Variants in AGBL4 observed in about 807,000 individuals in gnomAD.
AGBL4 encodes cytosolic carboxypeptidase 6.
In AGBL4, 58 loss-of-function variants were observed where a neutral mutation model predicts 66.4. That is an observed-to-expected ratio of 0.87 (90% CI 0.71 to 1.09). The LOEUF (loss-of-function observed/expected upper bound fraction) is 1.09, where lower values mean the gene tolerates loss of function less well. Among genes scored for constraint, AGBL4 ranks in the 50% least tolerant of loss-of-function variants. The probability of loss-of-function intolerance (pLI) is 0.00; values close to 1 mark genes in which losing one functional copy is unlikely to be tolerated. For synonymous variants in AGBL4, 234 were observed against 222.9 expected (o/e 1.05, Z -0.44); for missense variants, 579 against 631.0 (o/e 0.92, Z 0.88).
chr1:48,587,629 T>C (rs1408609682), intron 10 of AGBL4, among the ~76,000 whole-genome samples: 4 of 150,910 alleles, frequency 2.7e-5, no homozygotes, highest in Non-Finnish European at 5.9e-5. Flanking sequence ...TTATTTATTT[T>C]ATTTTATTTT....
chr1:49,394,078 C>T (rs1329861143), intron 3 of AGBL4, among the ~76,000 whole-genome samples: 1 of 151,538 alleles, frequency 6.6e-6, no homozygotes, highest in Non-Finnish European at 1.5e-5. Flanking sequence ...GTCTATTTCC[C>T]CTGGATAGGA....
chr1:49,348,633 C>T (rs1645687690), intron 3 of AGBL4, among the ~76,000 whole-genome samples: 2 of 152,154 alleles, frequency 1.3e-5, no homozygotes, highest in African/African-American at 4.8e-5. Context: ...GGAGGAGGAC[C>T]GTGCTTTTGG....
chr1:49,764,549 T>C (rs892967424), intron 2 of AGBL4, among the ~76,000 whole-genome samples: 2 of 152,048 alleles, frequency 1.3e-5, no homozygotes, highest in Non-Finnish European at 2.9e-5. Context: ...TTAGGATTCA[T>C]ATATGCTGTC....
intron 3 of AGBL4, among the ~76,000 whole-genome samples, chr1:49,601,526 C>T (rs1162865641): frequency 1.3e-5 from 2 of 152,064 alleles, no homozygotes; most frequent in Non-Finnish European, 2.9e-5. Flanking sequence ...TGAAACGGAA[C>T]AGAGATCTCA....
At chr1:49,424,687 T>G (rs1178047357) in intron 3 of AGBL4, among the ~76,000 whole-genome samples, 2 of 152,206 alleles carry the variant, frequency 1.3e-5, no homozygotes, top group African/African-American at 2.4e-5. Context: ...CTGTACCTGG[T>G]GTAGCCAGTG....
intron 9 of AGBL4, among the ~76,000 whole-genome samples, chr1:48,628,029 A>G (rs319947): frequency 0.49 from 74,847 of 151,950 alleles, 20,570 homozygotes; most frequent in Middle Eastern, 0.68. Context: ...AGCCTTAGTA[A>G]TTTTCTAAAG....
chr1:48,590,689 A>G (rs1644901373), intron 10 of AGBL4, 144 bp downstream of exon 10: 1 of 911,834 alleles, frequency 1.1e-6, no homozygotes, highest in South Asian at 1.9e-5. Context: ...CATCTTGTTT[A>G]CCTCTATCTT....
chr1:49,478,043 T>G (rs1335588005), intron 3 of AGBL4, among the ~76,000 whole-genome samples: 1 of 151,278 alleles, frequency 6.6e-6, no homozygotes, highest in Non-Finnish European at 1.5e-5. Context: ...AAAAAAGAAT[T>G]AAAAGAAGAA....
At chr1:49,326,980 C>G (rs115231263) in intron 3 of AGBL4, among the ~76,000 whole-genome samples, 2 of 152,100 alleles carry the variant, frequency 1.3e-5, no homozygotes, top group Non-Finnish European at 2.9e-5. Context: ...AGTCTACCTG[C>G]GTTTCTGGCT....
intron 2 of AGBL4, among the ~76,000 whole-genome samples, chr1:49,750,378 G>T (rs912996431): frequency 2.0e-5 from 3 of 152,092 alleles, no homozygotes; most frequent in Admixed American, 6.6e-5. Flanking sequence ...ATTTTGTCAG[G>T]TTTGTCAAAG....
At chr1:49,743,837 A>T (rs1031453831) in intron 2 of AGBL4, among the ~76,000 whole-genome samples, 15 of 146,998 alleles carry the variant, frequency 1.0e-4, no homozygotes, top group African/African-American at 3.8e-4. Context: ...TCTCACTCAT[A>T]GGTAGGAACT....
chr1:48,942,750 G>C (rs1557485408), intron 5 of AGBL4, among the ~76,000 whole-genome samples: 2 of 152,284 alleles, frequency 1.3e-5, no homozygotes, highest in South Asian at 4.1e-4. Flanking sequence ...ACTCAGATTT[G>C]AATTACAGCT....
intron 4 of AGBL4, among the ~76,000 whole-genome samples, chr1:49,114,366 G>A (rs1013124173): frequency 6.6e-6 from 1 of 152,304 alleles, no homozygotes; most frequent in Non-Finnish European, 1.5e-5. Context: ...AATAATTGAG[G>A]AGAGTTAGAG....
intron 9 of AGBL4, among the ~76,000 whole-genome samples, chr1:48,619,960 C>T (rs1185467836): frequency 1.3e-5 from 2 of 152,164 alleles, no homozygotes; most frequent in Non-Finnish European, 2.9e-5. Flanking sequence ...AGCATCCTGG[C>T]TGTCGTCAGC....
intron 1 of AGBL4, among the ~76,000 whole-genome samples, chr1:49,857,708 C>A (rs1451133845): frequency 6.6e-6 from 1 of 152,072 alleles, no homozygotes; most frequent in African/African-American, 2.4e-5. Flanking sequence ...CATCTCTCAC[C>A]ATATACAAAA....
At chr1:49,943,974 G>T (rs745335116) in intron 1 of AGBL4, among the ~76,000 whole-genome samples, 3 of 151,746 alleles carry the variant, frequency 2.0e-5, no homozygotes, top group African/African-American at 7.3e-5. Context: ...ACCAGTCTTC[G>T]GAGTTTCATG....
At position 48,778,011 on chromosome 1, in the gene AGBL4, G is replaced by A. The variant is rs536956782; in HGVS notation, c.634+89180C>T. Among the ~76,000 whole-genome samples, 5 of 152,282 alleles carry A rather than the reference G, an allele frequency of 3.3e-5. No homozygotes were observed. In the South Asian group the frequency reaches 8.3e-4, roughly 25 times the overall value. Reference sequence around the variant, plus strand: ...AGGAACCCTATCCCACATCAGAGGAGGTCAGTACCTTCACAGGGATGCCTC... The same window carrying A: ...AGGAACCCTATCCCACATCAGAGGAAGTCAGTACCTTCACAGGGATGCCTC... On this transcript the variant is annotated intron_variant, in intron 6 of 13. Transcript: ENST00000371839.
At chr1:48,574,263 G>C (rs1267114911) in intron 11 of AGBL4, among the ~76,000 whole-genome samples, 1 of 152,156 alleles carries the variant, frequency 6.6e-6, no homozygotes, top group Admixed American at 6.5e-5. Context: ...CTGAGTTTCT[G>C]TACTTCTAGA....
At chr1:49,533,014 T>G (rs1428488400) in intron 3 of AGBL4, among the ~76,000 whole-genome samples, 1 of 152,184 alleles carries the variant, frequency 6.6e-6, no homozygotes, top group Admixed American at 6.5e-5. Context: ...AGTACAATTC[T>G]GCTAGTTTTC....
Sources: allele counts gnomAD v4.1 joint callset (sites outside exome capture counted in the v4.1 genomes callset), GRCh38; gene constraint gnomAD v4.1.1; transcripts MANE v1.5; gene names NCBI Gene and HGNC (gene_info 2026-07-23, HGNC 2026-07-21).